The following GPC5 variants were observed in gnomAD, a reference collection of about 807,000 sequenced individuals.
The protein encoded by GPC5 is glypican 5, also known as glypican-5.
GPC5 carries 47 observed loss-of-function variants against 53.9 expected under a neutral mutation model. The ratio of observed to expected loss-of-function variants is 0.87; its 90% confidence interval spans 0.69 to 1.11. The LOEUF (loss-of-function observed/expected upper bound fraction) is 1.11, where lower values mean the gene tolerates loss of function less well. Ranked by LOEUF, GPC5 falls within the 50% of genes most tolerant of loss-of-function variation. The pLI, the probability that GPC5 is intolerant of heterozygous loss-of-function variation, is 0.00. For missense variants in GPC5, 748 were observed against 713.1 expected, an observed-to-expected ratio of 1.05 and a Z score of -0.56; for synonymous variants, 286 against 263.3, an observed-to-expected ratio of 1.09 and a Z score of -0.84.
intron 7 of GPC5, among the ~76,000 whole-genome samples, chr13:92,584,850 T>C (rs2139058336): frequency 6.6e-6 from 1 of 152,256 alleles, no homozygotes; most frequent in Admixed American, 6.5e-5. Context: ...ACGTACAGCT[T>C]GGGCTGTTGC....
chr13:92,453,943 T>C (rs1878166067), intron 7 of GPC5, among the ~76,000 whole-genome samples: 1 of 152,166 alleles, frequency 6.6e-6, no homozygotes, highest in Non-Finnish European at 1.5e-5. Flanking sequence ...GTCGTATAAA[T>C]AGCACGCAAA....
At chr13:92,203,380 C>T (rs2042308658) in intron 7 of GPC5, among the ~76,000 whole-genome samples, 1 of 144,056 alleles carries the variant, frequency 6.9e-6, no homozygotes, top group Non-Finnish European at 1.5e-5. Context: ...AGTAAACTAT[C>T]ACAAGAACAA....
At chr13:92,488,371 A>G (rs1879637815) in intron 7 of GPC5, among the ~76,000 whole-genome samples, 1 of 152,204 alleles carries the variant, frequency 6.6e-6, no homozygotes, top group Non-Finnish European at 1.5e-5. Flanking sequence ...CTTACTTCAG[A>G]TCCACTTCAT....
intron 7 of GPC5, among the ~76,000 whole-genome samples, chr13:92,506,046 A>G (rs1036541969): frequency 6.6e-6 from 1 of 152,188 alleles, no homozygotes; most frequent in Non-Finnish European, 1.5e-5. Flanking sequence ...GTTGGTGGCT[A>G]CATCAGCATG....
chr13:91,791,576 T>C (rs1431610846), intron 5 of GPC5, among the ~76,000 whole-genome samples: 1 of 149,594 alleles, frequency 6.7e-6, no homozygotes, highest in Non-Finnish European at 1.5e-5. Context: ...TCCATTCTCA[T>C]ATTTCTGCCC....
At chr13:92,432,388 G>C (rs1337255448) in intron 7 of GPC5, among the ~76,000 whole-genome samples, 1 of 116,632 alleles carries the variant, frequency 8.6e-6, no homozygotes, top group African/African-American at 3.3e-5. Flanking sequence ...TTCTTGAGAT[G>C]GATTCTTGCT....
intron 2 of GPC5, among the ~76,000 whole-genome samples, chr13:91,607,690 A>G (rs2033417025): frequency 6.6e-6 from 1 of 152,232 alleles, no homozygotes; most frequent in African/African-American, 2.4e-5. Flanking sequence ...TTCTTAGCCA[A>G]TATAAGTGTG....
intron 2 of GPC5, among the ~76,000 whole-genome samples, chr13:91,566,698 A>G (rs1246244621): frequency 6.6e-6 from 1 of 152,202 alleles, no homozygotes; most frequent in Non-Finnish European, 1.5e-5. Context: ...TTTGAGAAAC[A>G]TAGCAGACTA....
chr13:91,642,342 AAC>A (rs888387867), intron 2 of GPC5, among the ~76,000 whole-genome samples: 4 of 152,226 alleles, frequency 2.6e-5, no homozygotes, highest in African/African-American at 4.8e-5. Context: ...CAGAGGCGTA[AAC>A]ACAGTGAAGA....
At chr13:92,371,618 G>GAAGC (rs2043650402) in intron 7 of GPC5, among the ~76,000 whole-genome samples, 2 of 152,166 alleles carry the variant, frequency 1.3e-5, no homozygotes, top group Admixed American at 1.3e-4. Flanking sequence ...AGGTGAGAGA[G>GAAGC]AAGCAACGCA....
rs1594513923 is a variant in GPC5, at chr13:92,797,038, G to A, written c.1562-69244G>A. Among the ~76,000 whole-genome samples the A allele has an allele frequency of 2.6e-5, 4 of 152,032 alleles. 1 individual carries two copies. ...AGACCACAAAACTCACAAGTGTTTTGTAATACCACAGTAGAGCTAACCCGT... is the reference window on the plus strand; with the variant it reads ...AGACCACAAAACTCACAAGTGTTTTATAATACCACAGTAGAGCTAACCCGT... On this transcript the variant is annotated intron_variant, in intron 7 of 7. Transcript: ENST00000377067.
chr13:92,828,239 G>T lies in GPC5; in HGVS notation c.1562-38043G>T, dbSNP rs9556224. Among the ~76,000 whole-genome samples the T allele has an allele frequency of 0.025, 3,843 of 152,090 alleles. 379 individuals are homozygous for T. The East Asian group carries it at 0.32, about 13-fold the overall frequency. On this transcript the variant is annotated intron_variant, in intron 7 of 7. Coordinates refer to ENST00000377067, the MANE Select transcript of GPC5 (RefSeq NM_004466.6). Reference sequence around the variant, plus strand: ...GTAGATTACACAAAATAAAGAAGCTGCTCCCCCACCACACCCCACACACCT... The same window carrying T: ...GTAGATTACACAAAATAAAGAAGCTTCTCCCCCACCACACCCCACACACCT...
At chr13:92,623,648 A>G (rs1300581925) in intron 7 of GPC5, among the ~76,000 whole-genome samples, 5 of 152,172 alleles carry the variant, frequency 3.3e-5, no homozygotes, top group Non-Finnish European at 7.4e-5. Context: ...TTTCTTTAGT[A>G]AGGATCAAGC....
At chr13:91,781,041 T>C (rs763418502) in intron 5 of GPC5, among the ~76,000 whole-genome samples, 1 of 152,170 alleles carries the variant, frequency 6.6e-6, no homozygotes, top group Non-Finnish European at 1.5e-5. Context: ...GCATTCTCTA[T>C]TATTTGAGGC....
chr13:91,952,579 A>G (rs115764850), intron 6 of GPC5, among the ~76,000 whole-genome samples: 50 of 152,288 alleles, frequency 3.3e-4, no homozygotes, highest in African/African-American at 1.1e-3. Flanking sequence ...GAGTTACCAA[A>G]AAGAATCTCT....
At chr13:92,303,286 G>T (rs2043087841) in intron 7 of GPC5, among the ~76,000 whole-genome samples, 1 of 151,970 alleles carries the variant, frequency 6.6e-6, no homozygotes, top group South Asian at 2.1e-4. Context: ...TGGTCTAAAG[G>T]GTGCCTGAGT....
intron 6 of GPC5, among the ~76,000 whole-genome samples, chr13:92,068,440 T>C (rs915014082): frequency 6.6e-6 from 1 of 151,732 alleles, no homozygotes. Context: ...TTTCTACGTA[T>C]GCAATAATGT....
chr13:92,116,274 A>C (rs2352488), intron 6 of GPC5, among the ~76,000 whole-genome samples: 1,138 of 8,828 alleles, frequency 0.13, 8 homozygotes, highest in Non-Finnish European at 0.37. Context: ...AACAAACAAA[A>C]AAAAAAAAAC....
intron 7 of GPC5, among the ~76,000 whole-genome samples, chr13:92,546,111 G>A (rs1036046148): frequency 5.3e-5 from 8 of 152,060 alleles, no homozygotes; most frequent in African/African-American, 1.7e-4. Context: ...CACAAGACAG[G>A]GATGCTCTCT....
Sources: gnomAD v4.1 joint callset for allele counts (sites outside exome capture counted in the v4.1 genomes callset) on GRCh38, gnomAD v4.1.1 for gene constraint, MANE v1.5 for transcripts, NCBI Gene and HGNC (gene_info 2026-07-23, HGNC 2026-07-21) for gene names.